The following ATP6V1B1 variants were observed in gnomAD, a reference collection of about 807,000 sequenced individuals.
The protein encoded by ATP6V1B1 is V-type proton ATPase subunit B, kidney isoform.
A neutral mutation model predicts 62.1 loss-of-function variants in ATP6V1B1; 41 were observed. The observed-to-expected ratio is 0.66, with a 90% CI of 0.51 to 0.86. The LOEUF (loss-of-function observed/expected upper bound fraction) is 0.86. Ranked by LOEUF, ATP6V1B1 falls within the 40% of genes least tolerant of loss-of-function variation. The pLI is 0.00. For synonymous variants in ATP6V1B1, 253 were observed against 273.4 expected, an observed-to-expected ratio of 0.93 and a Z score of 0.74; for missense variants, 651 against 697.5, an observed-to-expected ratio of 0.93 and a Z score of 0.75.
intron 2 of ATP6V1B1, among the ~76,000 whole-genome samples, chr2:70,955,525 C>A (rs1680414077): frequency 6.6e-6 from 1 of 152,196 alleles, no homozygotes; most frequent in Non-Finnish European, 1.5e-5. Flanking sequence ...AATCTACTTT[C>A]TGTCTTTATG....
chr2:70,938,835 G>T, intron 1 of ATP6V1B1: 5 of 978,780 alleles, frequency 5.1e-6, no homozygotes, highest in Non-Finnish European at 4.9e-6. Flanking sequence ...GGAAGGACAA[G>T]CTGGCAGCCT....
At chr2:70,949,997 A>T (rs1680282468) in intron 2 of ATP6V1B1, among the ~76,000 whole-genome samples, 1 of 152,188 alleles carries the variant, frequency 6.6e-6, no homozygotes, top group Non-Finnish European at 1.5e-5. Context: ...AATTGTTTTT[A>T]CTTTATATTT....
At chr2:70,944,869 G>C (rs1167393113) in intron 2 of ATP6V1B1, among the ~76,000 whole-genome samples, 3 of 152,066 alleles carry the variant, frequency 2.0e-5, no homozygotes, top group Non-Finnish European at 4.4e-5. Context: ...GGGTTTCCCC[G>C]TGTTAGCCAG....
At position 70,962,872 on chromosome 2, in the gene ATP6V1B1, T is replaced by G; in HGVS notation, c.881T>G (p.Met294Arg). The change falls in exon 9 of 14, where the codon ATG becomes AGG. Residue 294 changes from methionine to arginine, a missense_variant. Physicochemically the swap from Met to Arg is moderately conservative, Grantham distance 91 (BLOSUM62 -1). Coordinates refer to ENST00000234396, the MANE Select transcript of ATP6V1B1 (RefSeq NM_001692.4). ...EKHVLVILTD[M>R]SSYAEALREV... is the part of the protein sequence containing the mutation. ...CATGTGCTGGTCATACTGACGGACATGAGTTCCTATGCAGAGGCCTTGCGG... is the reference window on the plus strand; with the variant it reads ...CATGTGCTGGTCATACTGACGGACAGGAGTTCCTATGCAGAGGCCTTGCGG... The G allele has an allele frequency of 6.2e-7, 1 of 1,614,134 alleles. No homozygotes were observed. Among genetic ancestry groups the G allele is most frequent in the Non-Finnish European group, 8.5e-7 (1 of 1,180,014 alleles).
intron 2 of ATP6V1B1, among the ~76,000 whole-genome samples, chr2:70,949,293 C>A (rs1680265824): frequency 6.6e-6 from 1 of 152,016 alleles, no homozygotes; most frequent in South Asian, 2.1e-4. Flanking sequence ...GCATAGCAGG[C>A]GATAGTATGG....
At chr2:70,954,696 TGA>T (rs1680395314) in intron 2 of ATP6V1B1, among the ~76,000 whole-genome samples, 1 of 152,214 alleles carries the variant, frequency 6.6e-6, no homozygotes, top group African/African-American at 2.4e-5. Flanking sequence ...TTGCCCAGGC[TGA>T]TCTCAACCTC....
chr2:70,943,909 C>T, intron 2 of ATP6V1B1, 196 bp downstream of exon 2: 1 of 854,640 alleles, frequency 1.2e-6, no homozygotes, highest in Non-Finnish European at 1.4e-6. Flanking sequence ...TCCTCCCTGC[C>T]TTTTCAGTAA....
rs1553419377 is a variant in ATP6V1B1 at position 70,958,081 on chromosome 2, C to T, written c.210C>T (p.Leu70=). ...AQYAEIVHFT[L]PDGTQRSGQV... is the part of the protein sequence containing the mutation. ...ATGCGGAGATCGTCCACTTCACCCT[C>T]CCAGATGGGACTCAGAGGAGCGGGC... Residue 70 remains leucine, a synonymous_variant, in exon 3 of 14, where the codon CTC becomes CTT. Transcript: ENST00000234396. 1 of 1,614,144 alleles carries T rather than the reference C, an allele frequency of 6.2e-7. No homozygotes were observed.
intron 1 of ATP6V1B1, 60 bp from the exon 2 acceptor site, chr2:70,943,598 C>CTG (rs1680065111): frequency 1.3e-6 from 2 of 1,554,756 alleles, no homozygotes; most frequent in Non-Finnish European, 8.9e-7. Context: ...GAGGATGCCT[C>CTG]TGTGTGTGTG....
chr2:70,950,184 A>G lies in ATP6V1B1; in HGVS notation c.174+6471A>G, dbSNP rs913486327. Among the ~76,000 whole-genome samples, 6 of 152,198 alleles carry G rather than the reference A, an allele frequency of 3.9e-5. No homozygotes were observed. The East Asian group carries it at 7.7e-4, about 20-fold the overall frequency. On this transcript the variant is annotated intron_variant, in intron 2 of 13. Transcript: ENST00000234396. Reference sequence around the variant, plus strand: ...TCCTTCTGGACTTTTTTTCTTTCCTACTGATCCATTTGTCTACCTCATATC... The same window carrying G: ...TCCTTCTGGACTTTTTTTCTTTCCTGCTGATCCATTTGTCTACCTCATATC...
In ATP6V1B1 at chr2:70,963,348, C is replaced by T. The variant is rs1553420467; in HGVS notation, c.1060+36C>T. The T allele has an allele frequency of 1.2e-6, 2 of 1,612,140 alleles. No individual in the cohort carries two copies. Among genetic ancestry groups the T allele is most frequent in the Non-Finnish European group, 1.7e-6 (2 of 1,180,026 alleles). ...CACAGCCCACTACCCTCCAGAGCTC[C>T]CCTGTCCTCCCTTTTCCAACCAGAT... On this transcript the variant is annotated intron_variant, in intron 10 of 13. Transcript: ENST00000234396. This position sits in a 1 kb window ranked among gnomAD's most constrained non-coding sequence, Gnocchi z 4.3.
intron 2 of ATP6V1B1, among the ~76,000 whole-genome samples, chr2:70,955,277 G>A (rs926798367): frequency 2.6e-5 from 4 of 152,170 alleles, no homozygotes; most frequent in Admixed American, 1.3e-4. Context: ...TTGCAAGTTC[G>A]ACCTCCTGGG....
rs35710919 is a variant in ATP6V1B1, at chr2:70,945,701, GATATATATATAT to G, written c.174+2018_174+2029del. 1.8e-3 allele frequency among the ~76,000 whole-genome samples: 149 copies of G among 83,016 alleles called. 3 individuals are homozygous for G. The highest frequency in any genetic ancestry group is 3.8e-3 in the African/African-American group (79 of 20,898). The allele number at this position is 83,016 out of a possible 152,430, so 54.5% of individuals were successfully genotyped here. ...TATCCTCTTTCTGGCTATTTGAAGA[GATATATATATAT>G]ATATATATATATATATATATATATA... On this transcript the variant is annotated intron_variant, in intron 2 of 13. Transcript: ENST00000234396.
chr2:70,958,558 G>C (rs1680501257), intron 4 of ATP6V1B1, 132 bp downstream of exon 4: 7 of 843,384 alleles, frequency 8.3e-6, no homozygotes, highest in Non-Finnish European at 1.3e-5. Context: ...TGGGCTCTTT[G>C]AGGTCTGGGG....
rs1438456940 is a variant in ATP6V1B1, at chr2:70,943,707, G to C, written c.168G>C (p.Arg56=). 2 of 1,613,726 alleles carry C rather than the reference G, an allele frequency of 1.2e-6. No individual in the cohort carries two copies. The highest frequency in any genetic ancestry group is 2.2e-5 in the East Asian group (1 of 44,864). Reference sequence around the variant, plus strand: ...ACGGGCCCCTGGTGGTGCTGGACCGGGTCAAGGTAAGACTCTTCTGCTGCC... The same window carrying C: ...ACGGGCCCCTGGTGGTGCTGGACCGCGTCAAGGTAAGACTCTTCTGCTGCC... ...SVNGPLVVLD[R]VKFAQYAEIV... is the part of the protein sequence containing the mutation. The change falls in exon 2 of 14, where the codon CGG becomes CGC. Residue 56 remains arginine (R), a synonymous_variant. Transcript: ENST00000234396.
Position 70,963,568 on chromosome 2 carries a change from G to C in ATP6V1B1, c.1061-4G>C. The stretch of plus-strand genomic sequence containing the variant: ...CACACTGAGGCCAGTGAGTTTTCTT[G>C]TAGATATCACCCACCCTATCCCAGA... On this transcript the variant is annotated splice_region_variant and splice_polypyrimidine_tract_variant and intron_variant, in intron 10 of 13. Transcript: ENST00000234396. The surrounding 1 kb of genome is among the most constrained non-coding windows in gnomAD (Gnocchi z 4.3). 5 of 1,614,044 alleles carry C rather than the reference G, an allele frequency of 3.1e-6. No homozygotes were observed. The highest frequency in any genetic ancestry group is 4.2e-6 in the Non-Finnish European group (5 of 1,179,920).
chr2:70,963,613 G>A lies in ATP6V1B1; in HGVS notation c.1102G>A (p.Glu368Lys). The A allele has an allele frequency of 6.2e-7, 1 of 1,614,184 alleles. No homozygotes were observed. Among genetic ancestry groups the A allele is most frequent in the Non-Finnish European group, 8.5e-7 (1 of 1,180,042 alleles). The change falls in exon 11 of 14, where the codon GAG becomes AAG. Residue 368 changes from glutamate to lysine, a missense_variant. Glu to Lys is a moderately conservative substitution (Grantham distance 56). Transcript: ENST00000234396. The surrounding 1 kb of genome is among the most constrained non-coding windows in gnomAD (Gnocchi z 4.3). ...PIPDLTGFIT[E>K]GQIYVDRQLH... ...CCCAGACTTGACGGGCTTCATCACA[G>A]AGGGACAGATCTACGTGGACAGACA...
intron 2 of ATP6V1B1, among the ~76,000 whole-genome samples, chr2:70,956,946 G>C (rs1354704348): frequency 2.0e-5 from 3 of 152,022 alleles, no homozygotes; most frequent in Non-Finnish European, 4.4e-5. Flanking sequence ...TTGTGGTTTT[G>C]ATTTTCGTTT....
intron 7 of ATP6V1B1, among the ~76,000 whole-genome samples, 193 bp from the exon 8 acceptor site, chr2:70,961,403 C>A (rs1027591439): frequency 6.6e-6 from 1 of 152,188 alleles, no homozygotes; most frequent in Non-Finnish European, 1.5e-5. Flanking sequence ...TGACAAGGCC[C>A]TATGAGGACT....
Sources: gnomAD v4.1 joint callset for allele counts (sites outside exome capture counted in the v4.1 genomes callset) on GRCh38, gnomAD v4.1.1 for gene constraint, Gnocchi (gnomAD v3.1) non-coding constraint, MANE v1.5 for transcripts, NCBI Gene and HGNC (gene_info 2026-07-23, HGNC 2026-07-21) for gene names.